The following SHISA9 variants were observed in gnomAD, a reference collection of about 807,000 sequenced individuals.
The protein encoded by SHISA9 is shisa family member 9, also known as protein shisa-9.
Under a neutral mutation model 38.0 loss-of-function variants are expected in SHISA9, and 13 were observed. That is an observed-to-expected ratio of 0.34 (90% CI 0.22 to 0.54). The LOEUF (loss-of-function observed/expected upper bound fraction) is 0.54. Ranked by LOEUF, SHISA9 falls within the 20% of genes least tolerant of loss-of-function variation. SHISA9 has a pLI of 0.91. For missense variants in SHISA9, 538 were observed against 575.8 expected, an observed-to-expected ratio of 0.93 and a Z score of 0.67; for synonymous variants, 275 against 242.0, an observed-to-expected ratio of 1.14 and a Z score of -1.27.
intron 1 of SHISA9, among the ~76,000 whole-genome samples, chr16:12,915,860 A>G (rs2071246880): frequency 6.6e-6 from 1 of 152,210 alleles, no homozygotes; most frequent in South Asian, 2.1e-4. Flanking sequence ...ATATCTTTCA[A>G]GGATATTCAT....
At chr16:13,408,421 C>G in the SHISA9 span, among the ~76,000 whole-genome samples, 2 of 152,030 alleles carry the variant, frequency 1.3e-5, no homozygotes, top group Non-Finnish European at 2.9e-5. Context: ...AAATAAACAC[C>G]TTATCCTTTT....
At chr16:13,523,083 C>T in the SHISA9 span, among the ~76,000 whole-genome samples, 1 of 152,184 alleles carries the variant, frequency 6.6e-6, no homozygotes, top group African/African-American at 2.4e-5. Flanking sequence ...CTCGGTAGCT[C>T]ACGCCTGTAA....
the SHISA9 span, among the ~76,000 whole-genome samples, chr16:13,557,176 C>T: frequency 2.6e-5 from 4 of 152,212 alleles, no homozygotes; most frequent in African/African-American, 7.2e-5. Flanking sequence ...TTCCCTCTTC[C>T]TTCCTCTCCC....
chr16:13,525,793 G>A, the SHISA9 span, among the ~76,000 whole-genome samples: 1 of 152,160 alleles, frequency 6.6e-6, no homozygotes, highest in Non-Finnish European at 1.5e-5. Flanking sequence ...TATCTCCTGT[G>A]GTTCACGTTC....
At chr16:13,359,054 G>T in the SHISA9 span, among the ~76,000 whole-genome samples, 1 of 152,116 alleles carries the variant, frequency 6.6e-6, no homozygotes, top group Non-Finnish European at 1.5e-5. Context: ...ATTAGGATGA[G>T]AAATGCAATT....
chr16:13,136,442 A>T (rs1230460437), intron 2 of SHISA9, among the ~76,000 whole-genome samples: 1 of 111,254 alleles, frequency 9.0e-6, no homozygotes, highest in Non-Finnish European at 1.7e-5. Context: ...CTTGTTGCCC[A>T]GGCTGGAATG....
At chr16:13,319,359 T>C in the SHISA9 span, among the ~76,000 whole-genome samples, 1 of 152,204 alleles carries the variant, frequency 6.6e-6, no homozygotes, top group Non-Finnish European at 1.5e-5. Context: ...CGAGAAATCA[T>C]TTCGGCCTAC....
intron 2 of SHISA9, among the ~76,000 whole-genome samples, chr16:12,970,389 G>GTGTATATATATATATA (rs1370365150): frequency 2.9e-5 from 1 of 34,708 alleles, no homozygotes; most frequent in Non-Finnish European, 5.2e-5. Context: ...ATACATATAT[G>GTGTATATATATATATA]TATATATATA....
At chr16:12,933,142 A>G (rs1356473450) in intron 2 of SHISA9, among the ~76,000 whole-genome samples, 1 of 152,210 alleles carries the variant, frequency 6.6e-6, no homozygotes, top group Non-Finnish European at 1.5e-5. Context: ...GAATGAATGA[A>G]TATATGAATG....
At chr16:13,013,865 C>CTA (rs1464588775) in intron 2 of SHISA9, among the ~76,000 whole-genome samples, 2 of 152,086 alleles carry the variant, frequency 1.3e-5, no homozygotes, top group Non-Finnish European at 2.9e-5. Context: ...GTAGCTGGGA[C>CTA]TACAGGTGCC....
At chr16:13,413,617 G>T in the SHISA9 span, among the ~76,000 whole-genome samples, 1 of 151,930 alleles carries the variant, frequency 6.6e-6, no homozygotes. Flanking sequence ...TTAGGCGGGC[G>T]TGGTGGTGGG....
chr16:13,374,149 T>C, the SHISA9 span, among the ~76,000 whole-genome samples: 1 of 151,822 alleles, frequency 6.6e-6, no homozygotes, highest in African/African-American at 2.4e-5. Context: ...TTTTTTTTGT[T>C]GTTTTTGTAT....
chr16:13,557,868 A>C, the SHISA9 span, among the ~76,000 whole-genome samples: 3 of 152,032 alleles, frequency 2.0e-5, no homozygotes, highest in Non-Finnish European at 2.9e-5. Context: ...AGCCTCAGGC[A>C]GCTCCTCAAA....
the SHISA9 span, among the ~76,000 whole-genome samples, chr16:13,286,277 G>A: frequency 6.6e-6 from 1 of 152,140 alleles, no homozygotes; most frequent in Non-Finnish European, 1.5e-5. Flanking sequence ...ACCCCCTGAG[G>A]CTGTGTCACA....
At chr16:13,329,769 G>C in the SHISA9 span, among the ~76,000 whole-genome samples, 4 of 152,154 alleles carry the variant, frequency 2.6e-5, no homozygotes, top group African/African-American at 4.8e-5. Flanking sequence ...TGCAGACCTT[G>C]AGCTAAATGA....
chr16:13,174,830 A>C (rs1036646301), intron 2 of SHISA9, among the ~76,000 whole-genome samples: 3 of 152,214 alleles, frequency 2.0e-5, no homozygotes, highest in African/African-American at 7.2e-5. Flanking sequence ...TCTGGATCCA[A>C]GGCAGCTCTG....
intron 2 of SHISA9, among the ~76,000 whole-genome samples, chr16:13,026,646 A>G (rs960121481): frequency 1.3e-5 from 2 of 151,960 alleles, no homozygotes; most frequent in South Asian, 2.1e-4. Context: ...AGAAACCTCT[A>G]TATTGTGTTT....
the SHISA9 span, among the ~76,000 whole-genome samples, chr16:13,279,459 A>G: frequency 6.6e-6 from 1 of 151,980 alleles, no homozygotes; most frequent in East Asian, 1.9e-4. Context: ...ACTTCAAAGT[A>G]TTTACAAGAA....
At chr16:12,942,206 G>A (rs2071620837) in intron 2 of SHISA9, among the ~76,000 whole-genome samples, 1 of 152,240 alleles carries the variant, frequency 6.6e-6, no homozygotes, top group African/African-American at 2.4e-5. Flanking sequence ...AGGGATGAAG[G>A]GCAGGAGGTT....
Sources: gnomAD v4.1 joint callset for allele counts (sites outside exome capture counted in the v4.1 genomes callset) on GRCh38, gnomAD v4.1.1 for gene constraint, MANE v1.5 for transcripts, NCBI Gene and HGNC (gene_info 2026-07-23, HGNC 2026-07-21) for gene names.